The following XKR6 variants were observed in gnomAD, a reference collection of about 807,000 sequenced individuals.
XKR6 encodes the protein XK related 6.
XKR6 carries 22 observed loss-of-function variants against 56.7 expected under a neutral mutation model. The observed-to-expected ratio is 0.39, with a 90% confidence interval of 0.28 to 0.55. The LOEUF is 0.55. XKR6 is among the 20% of genes least tolerant of loss of function. The pLI is 0.66. For synonymous variants in XKR6, 524 were observed against 387.8 expected, an observed-to-expected ratio of 1.35 and a Z score of -4.13; for missense variants, 852 against 889.0, an observed-to-expected ratio of 0.96 and a Z score of 0.53.
chr8:11,087,147 C>A (rs942370783), intron 1 of XKR6, among the ~76,000 whole-genome samples: 1 of 152,332 alleles, frequency 6.6e-6, no homozygotes, highest in African/African-American at 2.4e-5. Context: ...CTCTATAGCT[C>A]ACCTCTTTTC....
intron 1 of XKR6, among the ~76,000 whole-genome samples, chr8:11,001,342 G>A (rs1481896840): frequency 2.0e-5 from 3 of 147,154 alleles, no homozygotes; most frequent in Admixed American, 2.0e-4. Context: ...TCATAATGTT[G>A]TTTAGGGCCA....
rs531249064 is a variant in XKR6, at chr8:10,948,857, A to T, written c.765-24027T>A. 1.4e-4 allele frequency among the ~76,000 whole-genome samples: 22 copies of T among 152,328 alleles called. 1 individual carries two copies. The highest frequency in any genetic ancestry group is 5.3e-4 in the African/African-American group (22 of 41,578). Reference sequence around the variant, plus strand: ...CCCTGGGAAACAGGCTCAAAATAGAAGATGGCATTTACTGGAGCAGGCACA... The same window carrying T: ...CCCTGGGAAACAGGCTCAAAATAGATGATGGCATTTACTGGAGCAGGCACA... On this transcript the variant is annotated intron_variant, in intron 1 of 2. Coordinates refer to ENST00000416569, the MANE Select transcript of XKR6 (RefSeq NM_173683.4).
chr8:11,187,055 G>C (rs1803312076), intron 1 of XKR6, among the ~76,000 whole-genome samples: 1 of 152,136 alleles, frequency 6.6e-6, no homozygotes, highest in Admixed American at 6.5e-5. Context: ...TTGACAACTG[G>C]CTAGTGTTGC....
chr8:11,191,731 T>A (rs1382962403), intron 1 of XKR6, among the ~76,000 whole-genome samples: 3 of 149,884 alleles, frequency 2.0e-5, no homozygotes, highest in African/African-American at 7.3e-5. Context: ...AGAGGGACTA[T>A]TCTAAAGAAA....
intron 1 of XKR6, among the ~76,000 whole-genome samples, chr8:11,158,569 G>A (rs1314542364): frequency 6.6e-6 from 1 of 152,110 alleles, no homozygotes; most frequent in South Asian, 2.1e-4. Context: ...TACTTCATTA[G>A]TCGCCATTGA....
intron 1 of XKR6, among the ~76,000 whole-genome samples, chr8:10,953,905 G>C (rs10903334): frequency 0.1 from 15,610 of 152,220 alleles, 1,614 homozygotes; most frequent in African/African-American, 0.27. Context: ...CATACAAATG[G>C]AATCATGCAA....
At chr8:11,161,156 A>C (rs959364994) in intron 1 of XKR6, among the ~76,000 whole-genome samples, 2 of 152,222 alleles carry the variant, frequency 1.3e-5, no homozygotes, top group Non-Finnish European at 2.9e-5. Flanking sequence ...TACCTGGTAG[A>C]AATTAAATTC....
chr8:10,952,075 C>T (rs1054935380), intron 1 of XKR6, among the ~76,000 whole-genome samples: 5 of 152,138 alleles, frequency 3.3e-5, no homozygotes, highest in Non-Finnish European at 5.9e-5. Flanking sequence ...AGCACAGGTC[C>T]ACGGCATGAC....
At chr8:11,137,748 C>G (rs1010704842) in intron 1 of XKR6, 28 of 455,224 alleles carry the variant, frequency 6.2e-5, no homozygotes, top group African/African-American at 4.2e-4. Context: ...GGCTCTGAAT[C>G]GAATCCTGCT....
intron 1 of XKR6, among the ~76,000 whole-genome samples, chr8:10,995,423 A>C (rs908034399): frequency 1.1e-4 from 16 of 147,760 alleles, no homozygotes; most frequent in African/African-American, 3.9e-4. Context: ...TATATTTACT[A>C]TATCTACTAT....
chr8:11,061,605 T>A (rs1251074477), intron 1 of XKR6, among the ~76,000 whole-genome samples: 14 of 152,190 alleles, frequency 9.2e-5, no homozygotes, highest in Non-Finnish European at 1.9e-4. Flanking sequence ...GTTCATTCAT[T>A]CATTCATTCA....
intron 1 of XKR6, among the ~76,000 whole-genome samples, chr8:11,045,075 CTTTTTTTT>C (rs5889356): frequency 7.5e-4 from 27 of 36,030 alleles, no homozygotes; most frequent in African/African-American, 2.5e-3. Context: ...TCAAATCACT[CTTTTTTTT>C]TTTTTTTTTT....
At chr8:11,068,667 A>C (rs1267797412) in intron 1 of XKR6, among the ~76,000 whole-genome samples, 2 of 152,102 alleles carry the variant, frequency 1.3e-5, no homozygotes, top group African/African-American at 4.8e-5. Flanking sequence ...CTCTGCACAC[A>C]GCCTGCCCAC....
intron 1 of XKR6, among the ~76,000 whole-genome samples, chr8:11,093,373 C>A (rs1255225120): frequency 6.6e-6 from 1 of 152,030 alleles, no homozygotes; most frequent in Non-Finnish European, 1.5e-5. Context: ...GCTTTCTAGC[C>A]CAGCTTTTAT....
intron 1 of XKR6, among the ~76,000 whole-genome samples, chr8:11,176,685 C>T (rs1802672916): frequency 6.6e-6 from 1 of 152,094 alleles, no homozygotes; most frequent in Middle Eastern, 3.2e-3. Context: ...GTCATGGTGC[C>T]ACAGCCTCGA....
intron 1 of XKR6, among the ~76,000 whole-genome samples, chr8:11,024,132 C>CCT (rs1798807342): frequency 6.6e-6 from 1 of 151,756 alleles, no homozygotes; most frequent in African/African-American, 2.4e-5. Context: ...TCAGGAATTC[C>CCT]CTCGCCCTCA....
intron 2 of XKR6, among the ~76,000 whole-genome samples, chr8:10,899,427 C>G (rs1300869610): frequency 2.0e-5 from 3 of 152,362 alleles, no homozygotes; most frequent in Non-Finnish European, 4.4e-5. Context: ...CTGCCTTTTC[C>G]TCACCTCACT....
chr8:11,184,780 C>T (rs535122486), intron 1 of XKR6, among the ~76,000 whole-genome samples: 8 of 152,076 alleles, frequency 5.3e-5, no homozygotes, highest in African/African-American at 1.7e-4. Context: ...AATCAACCCG[C>T]CTCAGCCTCC....
At chr8:11,033,469 G>T (rs574248199) in intron 1 of XKR6, among the ~76,000 whole-genome samples, 1 of 151,802 alleles carries the variant, frequency 6.6e-6, no homozygotes, top group South Asian at 2.1e-4. Flanking sequence ...GGTAATGATG[G>T]TGATGATGAT....
Sources: allele counts gnomAD v4.1 joint callset (sites outside exome capture counted in the v4.1 genomes callset), GRCh38; gene constraint gnomAD v4.1.1; transcripts MANE v1.5; gene names NCBI Gene and HGNC (gene_info 2026-07-23, HGNC 2026-07-21).